LGALS8: variants seen among roughly 807,000 people sequenced by gnomAD.
The protein encoded by LGALS8 is galectin-8.
In LGALS8, 30 loss-of-function variants were observed where a neutral mutation model predicts 35.9. The observed-to-expected ratio is 0.83, with a 90% CI of 0.62 to 1.13. LGALS8 has a LOEUF of 1.13. Among genes scored for constraint, LGALS8 ranks in the 50% most tolerant of loss-of-function variants. The probability of loss-of-function intolerance (pLI) is 0.00; values close to 1 mark genes in which losing one functional copy is unlikely to be tolerated. For missense variants in LGALS8, 366 were observed against 388.7 expected (o/e 0.94, Z 0.49); for synonymous variants, 138 against 136.1 (o/e 1.01, Z -0.10).
upstream of LGALS8, among the ~76,000 whole-genome samples, chr1:236,522,769 A>C (rs1322979778): frequency 1.3e-5 from 2 of 152,240 alleles, no homozygotes; most frequent in Non-Finnish European, 2.9e-5. Flanking sequence ...AATCCAAGGC[A>C]GTGTATGTCA....
At chr1:236,529,438 C>G (rs140824034) in intron 2 of LGALS8, among the ~76,000 whole-genome samples, 1 of 151,602 alleles carries the variant, frequency 6.6e-6, no homozygotes, top group South Asian at 2.1e-4. Context: ...AAAAATTAGC[C>G]GGGCATGGTG....
rs973781623 is a variant in LGALS8, at chr1:236,549,615, C to T, written c.*1454C>T. 1.3e-5 allele frequency: 2 copies of T among 152,126 alleles called. No homozygotes were observed. Among genetic ancestry groups the T allele is most frequent in the African/African-American group, 4.8e-5 (2 of 41,398 alleles). 9.4% of individuals were successfully genotyped at this position (152,126 alleles called of 1,614,324 possible). A position where few individuals can be genotyped will look rare whatever the true frequency, so the allele number is the denominator to read the frequency against. ...TTAATGTATGCAGAGTCTCACCAAG[C>T]TCAAAGACACTGGTTGGGGGTGGAG... On this transcript the variant is annotated 3_prime_UTR_variant, in exon 10 of 10. Transcript: ENST00000366584.
chr1:236,535,296 TTTTC>T (rs1349923058), intron 2 of LGALS8, among the ~76,000 whole-genome samples: 1 of 152,006 alleles, frequency 6.6e-6, no homozygotes, highest in African/African-American at 2.4e-5. Flanking sequence ...GTGTTTCTCT[TTTTC>T]TTTTTTTAAT....
At chr1:236,543,017 C>T (rs953657619) in intron 7 of LGALS8, 1 of 1,614,122 alleles carries the variant, frequency 6.2e-7, no homozygotes, top group Non-Finnish European at 8.5e-7. Flanking sequence ...CACCAAAATA[C>T]CACCTATGAA....
At chr1:236,540,388 G>T in intron 4 of LGALS8, 176 bp from the exon 5 acceptor site, 1 of 543,232 alleles carries the variant, frequency 1.8e-6, no homozygotes, top group Non-Finnish European at 3.0e-6. Context: ...AAAGAAGTTT[G>T]GAAGCACTGC....
chr1:236,519,862 C>A (rs1196471121), upstream of LGALS8, among the ~76,000 whole-genome samples: 1 of 151,062 alleles, frequency 6.6e-6, no homozygotes, highest in Non-Finnish European at 1.5e-5. Flanking sequence ...GTGGGGCTTG[C>A]AAACATTTTA....
chr1:236,542,839 T>C (rs1345437891), intron 7 of LGALS8, 52 bp downstream of exon 7: 2 of 1,614,118 alleles, frequency 1.2e-6, no homozygotes, highest in African/African-American at 1.3e-5. Flanking sequence ...TAAAGTTGCA[T>C]AGAAAATGAA....
chr1:236,547,743 T>C (rs908115026), intron 9 of LGALS8, among the ~76,000 whole-genome samples: 2 of 151,978 alleles, frequency 1.3e-5, no homozygotes, highest in Non-Finnish European at 2.9e-5. Flanking sequence ...AGGGGCTGTG[T>C]TGAGGAAAGG....
chr1:236,520,250 C>T (rs1486558197), upstream of LGALS8, among the ~76,000 whole-genome samples: 8 of 151,936 alleles, frequency 5.3e-5, no homozygotes, highest in East Asian at 1.4e-3. Flanking sequence ...AGCCAACGTG[C>T]CTGGTCAAAA....
chr1:236,524,467 G>C, intron 1 of LGALS8: 1 of 456,342 alleles, frequency 2.2e-6, no homozygotes, highest in South Asian at 1.5e-5. Context: ...TTTCCTTCCC[G>C]GAATTTGTAG....
At chr1:236,536,689 G>T (rs548969460) in intron 2 of LGALS8, 2 of 152,726 alleles carry the variant, frequency 1.3e-5, no homozygotes, top group African/African-American at 4.8e-5. Flanking sequence ...GGAATCCCAG[G>T]TGTGGGGGCG....
chr1:236,546,777 G>A (rs1350862084), intron 9 of LGALS8, among the ~76,000 whole-genome samples: 2 of 152,226 alleles, frequency 1.3e-5, no homozygotes, highest in Non-Finnish European at 2.9e-5. Context: ...TATAGCATCA[G>A]GCTGTGTGTT....
At chr1:236,518,612 C>T (rs1047106715), upstream of LGALS8, 14 of 152,140 alleles carry the variant, frequency 9.2e-5, no homozygotes, top group African/African-American at 3.1e-4. Flanking sequence ...GTTCTCGGCG[C>T]TCACAAATGT....
At position 236,552,463 on chromosome 1, in the gene LGALS8, CGCCAGGCT is replaced by C. The variant is rs1301789162; in HGVS notation, c.*4304_*4311del. ...TTTACTTCATTGGCGCTCGCCAGCC[CGCCAGGCT>C]GGCAATAAAGTGCCTCCAGCCACCT... On this transcript the variant is annotated 3_prime_UTR_variant, in exon 10 of 10. Transcript: ENST00000366584. 6.1e-6 allele frequency: 1 copy of C among 162,764 alleles called. No homozygotes were observed. Among genetic ancestry groups the C allele is most frequent in the Non-Finnish European group, 1.3e-5 (1 of 75,414 alleles). 10.1% of individuals were successfully genotyped at this position (162,764 alleles called of 1,614,324 possible).
At position 236,538,101 on chromosome 1, in the gene LGALS8, A is replaced by AAAAAAAAAAAG. The variant is rs371245157; in HGVS notation, c.134+519_134+520insAAAAAAAGAAA. Reference sequence around the variant, plus strand: ...GCCTGGGTGACAAAAAAAAAAAAGAAAAAGAAAAAGAATTAGGTATGTCAT... The same window carrying AAAAAAAAAAAG: ...GCCTGGGTGACAAAAAAAAAAAAGAAAAAAAAAAAAGAAAGAAAAAGAATTAGGTATGTCAT... On this transcript the variant is annotated intron_variant, in intron 3 of 9. Transcript: ENST00000366584. 3.5e-4 allele frequency among the ~76,000 whole-genome samples: 34 copies of AAAAAAAAAAAG among 96,074 alleles called. 1 individual carries two copies. The highest frequency in any genetic ancestry group is 5.9e-4 in the Non-Finnish European group (26 of 43,934). The allele number at this position is 96,074 out of a possible 152,430, so 63.0% of individuals were successfully genotyped here. A position where few individuals can be genotyped will look rare whatever the true frequency, so the allele number is the denominator to read the frequency against.
chr1:236,544,101 C>T (rs1055386716), intron 8 of LGALS8, among the ~76,000 whole-genome samples: 4 of 152,070 alleles, frequency 2.6e-5, no homozygotes, highest in Non-Finnish European at 4.4e-5. Flanking sequence ...CGCACCACCA[C>T]GCCCAGCTAC....
chr1:236,527,428 T>C (rs1660873338), intron 2 of LGALS8, among the ~76,000 whole-genome samples: 1 of 152,228 alleles, frequency 6.6e-6, no homozygotes, highest in Non-Finnish European at 1.5e-5. Flanking sequence ...TCTTGTGGCA[T>C]GGGCTGGATG....
intron 2 of LGALS8, 58 bp from the exon 3 acceptor site, chr1:236,537,439 T>C (rs1214799036): frequency 9.5e-7 from 1 of 1,047,766 alleles, no homozygotes; most frequent in South Asian, 1.3e-5. Context: ...TGGGTTGTAA[T>C]TGCTTAGTAA....
chr1:236,544,529 G>GA lies in LGALS8; in HGVS notation c.639-221_639-220insA, dbSNP rs1452101009. Among the ~76,000 whole-genome samples the GA allele has an allele frequency of 4.1e-4, 15 of 36,702 alleles. No homozygotes were observed. The Admixed American group carries it at 4.1e-3, about 10-fold the overall frequency. 24.1% of individuals were successfully genotyped at this position (36,702 alleles called of 152,430 possible). A position where few individuals can be genotyped will look rare whatever the true frequency, so the allele number is the denominator to read the frequency against. The stretch of plus-strand genomic sequence containing the variant: ...TCTCAGCCTCAACGCTGATTTTAAA[G>GA]GGTTTTTTTTTTCGTATTTTTATTT... On this transcript the variant is annotated intron_variant, in intron 8 of 9. Coordinates refer to ENST00000366584, the MANE Select transcript of LGALS8 (RefSeq NM_201544.4).
Sources: allele counts gnomAD v4.1 joint callset (sites outside exome capture counted in the v4.1 genomes callset), GRCh38; gene constraint gnomAD v4.1.1; transcripts MANE v1.5; gene names NCBI Gene and HGNC (gene_info 2026-07-23, HGNC 2026-07-21).